The following L3MBTL3 variants were observed in gnomAD, a reference collection of about 807,000 sequenced individuals.
The protein encoded by L3MBTL3 is lethal(3)malignant brain tumor-like protein 3.
Under a neutral mutation model 102.3 loss-of-function variants are expected in L3MBTL3, and 27 were observed. The observed-to-expected ratio is 0.26, with a 90% CI of 0.19 to 0.36. L3MBTL3 has a LOEUF of 0.36. Among genes scored for constraint, L3MBTL3 ranks in the 10% least tolerant of loss-of-function variants. The pLI is 1.00. For synonymous variants in L3MBTL3, 340 were observed against 320.9 expected, an observed-to-expected ratio of 1.06 and a Z score of -0.64; for missense variants, 798 against 955.3, an observed-to-expected ratio of 0.84 and a Z score of 2.17.
Position 130,083,620 on chromosome 6 carries a change from G to A in L3MBTL3, c.1322G>A (p.Gly441Asp), listed in dbSNP as rs1453401750. The A allele has an allele frequency of 1.4e-6, 2 of 1,444,212 alleles. No individual in the cohort carries two copies. Among genetic ancestry groups the A allele is most frequent in the Non-Finnish European group, 9.4e-7 (1 of 1,061,978 alleles). The allele number at this position is 1,444,212 out of a possible 1,614,324, so 89.5% of individuals were successfully genotyped here. A position where few individuals can be genotyped will look rare whatever the true frequency, so the allele number is the denominator to read the frequency against. ...EHRRTLITPPGYPNVKHFSWD... is the reference protein window; with the variant it reads ...EHRRTLITPPDYPNVKHFSWD... ...TAGGATTTACATTTTTCTTTCTTAG[G>A]TTATCCAAATGTGAAACATTTTTCT... Residue 441 changes from glycine (G) to aspartate (D), a missense_variant and splice_region_variant, in exon 15 of 23, where the codon GGT (glycine) becomes GAT (aspartate). By Grantham distance (94) the Gly-to-Asp change is moderately conservative (BLOSUM62 -1). Transcript: ENST00000361794.
At chr6:130,043,912 T>G (rs1780579528) in intron 3 of L3MBTL3, among the ~76,000 whole-genome samples, 1 of 152,208 alleles carries the variant, frequency 6.6e-6, no homozygotes, top group African/African-American at 2.4e-5. Context: ...GCACTGAGGT[T>G]TAGTAGAATC....
intron 18 of L3MBTL3, among the ~76,000 whole-genome samples, chr6:130,097,666 A>G (rs1784440357): frequency 6.6e-6 from 1 of 152,194 alleles, no homozygotes; most frequent in South Asian, 2.1e-4. Flanking sequence ...TAGCAAGGGA[A>G]CATTAATATT....
intron 13 of L3MBTL3, among the ~76,000 whole-genome samples, chr6:130,077,664 C>T (rs913190905): frequency 1.3e-5 from 2 of 152,182 alleles, no homozygotes; most frequent in Admixed American, 1.3e-4. Flanking sequence ...TTATTTGTTT[C>T]ACTATTCATA....
intron 14 of L3MBTL3, among the ~76,000 whole-genome samples, chr6:130,079,334 C>G (rs1783163042): frequency 6.6e-6 from 1 of 152,200 alleles, no homozygotes; most frequent in East Asian, 1.9e-4. Flanking sequence ...CGCTTCTGCT[C>G]TCTGCCTCTA....
Position 130,068,372 on chromosome 6 carries a change from C to A in L3MBTL3, c.1043C>A (p.Thr348Lys). ...EEFNWQTYLK[T>K]CKAQAAPKSL... The stretch of plus-strand genomic sequence containing the variant: ...TTCAATTGGCAGACCTATCTTAAGA[C>A]ATGTAAAGCTCAAGCTGCTCCTAAG... The change falls in exon 12 of 23, where the codon ACA becomes AAA. Residue 348 changes from threonine to lysine, a missense_variant. Thr to Lys is a moderately conservative substitution (Grantham distance 78, BLOSUM62 -1). Coordinates refer to ENST00000361794, the MANE Select transcript of L3MBTL3 (RefSeq NM_032438.4). The A allele has an allele frequency of 6.2e-7, 1 of 1,605,104 alleles. No individual in the cohort carries two copies. Among genetic ancestry groups the A allele is most frequent in the Non-Finnish European group, 8.5e-7 (1 of 1,172,096 alleles).
At chr6:130,077,789 A>G (rs1783050807) in intron 13 of L3MBTL3, among the ~76,000 whole-genome samples, 2 of 152,208 alleles carry the variant, frequency 1.3e-5, no homozygotes, top group Admixed American at 6.6e-5. Flanking sequence ...TATGGACTCA[A>G]CAGACCTCCT....
chr6:130,138,652 A>G (rs1016044773), intron 22 of L3MBTL3, among the ~76,000 whole-genome samples: 4 of 152,186 alleles, frequency 2.6e-5, no homozygotes, highest in Non-Finnish European at 5.9e-5. Context: ...TTTTTGTGAC[A>G]GGGACACCAT....
chr6:130,056,328 T>C (rs995342687), intron 8 of L3MBTL3, among the ~76,000 whole-genome samples: 1 of 152,166 alleles, frequency 6.6e-6, no homozygotes, highest in Admixed American at 6.5e-5. Context: ...GATGTACTTT[T>C]CTGCTTATTC....
chr6:130,063,831 A>C (rs1487430764), intron 10 of L3MBTL3, among the ~76,000 whole-genome samples: 2 of 152,194 alleles, frequency 1.3e-5, no homozygotes, highest in Non-Finnish European at 2.9e-5. Flanking sequence ...AAAATGTAGA[A>C]TATGTGGCAC....
chr6:130,020,716 C>T (rs1365471933), intron 1 of L3MBTL3: 2 of 151,784 alleles, frequency 1.3e-5, no homozygotes, highest in East Asian at 3.9e-4. Flanking sequence ...CTGCCACCAC[C>T]CCGCTTCCTT....
chr6:130,026,280 T>C (rs1779341920), intron 2 of L3MBTL3, among the ~76,000 whole-genome samples: 1 of 152,160 alleles, frequency 6.6e-6, no homozygotes, highest in Non-Finnish European at 1.5e-5. Context: ...TCTCATACTT[T>C]CACTAACCTT....
At chr6:130,088,617 G>T (rs1483111137) in intron 16 of L3MBTL3, among the ~76,000 whole-genome samples, 1 of 152,114 alleles carries the variant, frequency 6.6e-6, no homozygotes, top group Non-Finnish European at 1.5e-5. Context: ...GAATGGTTTT[G>T]CTCTCATTTA....
At chr6:130,043,726 T>C (rs964676826) in intron 3 of L3MBTL3, among the ~76,000 whole-genome samples, 1 of 152,220 alleles carries the variant, frequency 6.6e-6, no homozygotes, top group African/African-American at 2.4e-5. Context: ...TCCTGGAATC[T>C]AGTCCCTTTT....
At chr6:130,098,542 T>C (rs1784491598) in intron 18 of L3MBTL3, among the ~76,000 whole-genome samples, 1 of 152,202 alleles carries the variant, frequency 6.6e-6, no homozygotes, top group African/African-American at 2.4e-5. Flanking sequence ...ACAATAGGGG[T>C]TAAATGTCAC....
chr6:130,098,778 T>C (rs572323218), intron 18 of L3MBTL3, among the ~76,000 whole-genome samples: 2 of 152,000 alleles, frequency 1.3e-5, no homozygotes, highest in Admixed American at 6.5e-5. Context: ...AACCCAGGCT[T>C]GTAAGGCACT....
intron 12 of L3MBTL3, among the ~76,000 whole-genome samples, chr6:130,070,476 A>G (rs1327954002): frequency 6.6e-6 from 1 of 152,216 alleles, no homozygotes; most frequent in Non-Finnish European, 1.5e-5. Flanking sequence ...ATATATGAAG[A>G]TGACCTACTT....
At chr6:130,052,832 A>T in intron 6 of L3MBTL3, 27 bp from the exon 7 acceptor site, 3 of 1,603,756 alleles carry the variant, frequency 1.9e-6, no homozygotes, top group Non-Finnish European at 2.6e-6. Context: ...GTCTCTTGTC[A>T]CTATTTTGGG....
chr6:130,111,986 C>T (rs1249182372), intron 19 of L3MBTL3, among the ~76,000 whole-genome samples: 2 of 152,218 alleles, frequency 1.3e-5, no homozygotes, highest in Non-Finnish European at 2.9e-5. Flanking sequence ...ACCTATGCTT[C>T]AGCCACCCTG....
intron 6 of L3MBTL3, 140 bp from the exon 7 acceptor site, chr6:130,052,719 C>A: frequency 2.1e-6 from 2 of 957,062 alleles, no homozygotes; most frequent in Non-Finnish European, 3.0e-6. Flanking sequence ...TATTCTCATG[C>A]CTACAGATTT....
Sources: gnomAD v4.1 joint callset for allele counts (sites outside exome capture counted in the v4.1 genomes callset) on GRCh38, gnomAD v4.1.1 for gene constraint, MANE v1.5 for transcripts, NCBI Gene and HGNC (gene_info 2026-07-23, HGNC 2026-07-21) for gene names.